PLEKHM3: variants seen among roughly 807,000 people sequenced by gnomAD.
PLEKHM3 encodes the protein pleckstrin homology domain containing M3, also known as pleckstrin homology domain-containing family M member 3.
A neutral mutation model predicts 81.8 loss-of-function variants in PLEKHM3; 45 were observed. That is an observed-to-expected ratio of 0.55 (90% CI 0.43 to 0.71). The LOEUF is 0.71. Among genes scored for constraint, PLEKHM3 ranks in the 30% least tolerant of loss-of-function variants. PLEKHM3 has a pLI of 0.00. For synonymous variants in PLEKHM3, 352 were observed against 356.4 expected (o/e 0.99, Z 0.14); for missense variants, 788 against 924.3 (o/e 0.85, Z 1.91).
intron 3 of PLEKHM3, among the ~76,000 whole-genome samples, chr2:207,965,037 G>A (rs995230261): frequency 2.0e-5 from 3 of 152,154 alleles, no homozygotes; most frequent in Admixed American, 6.5e-5. Flanking sequence ...ACTTAAGTAT[G>A]TTTCTGTCTT....
intron 2 of PLEKHM3, among the ~76,000 whole-genome samples, chr2:207,983,010 G>A (rs1309240439): frequency 1.3e-5 from 2 of 151,686 alleles, no homozygotes; most frequent in Admixed American, 6.6e-5. Flanking sequence ...TCAACAGTAG[G>A]CTATTAATAA....
chr2:207,949,713 G>A (rs936755905), intron 3 of PLEKHM3, among the ~76,000 whole-genome samples: 1 of 152,050 alleles, frequency 6.6e-6, no homozygotes, highest in Non-Finnish European at 1.5e-5. Context: ...GACTTAAAAG[G>A]TGACCATGAT....
At chr2:207,923,896 T>C (rs1559238841) in intron 5 of PLEKHM3, among the ~76,000 whole-genome samples, 1 of 84,994 alleles carries the variant, frequency 1.2e-5, no homozygotes, top group Non-Finnish European at 2.4e-5. Context: ...TATATATATA[T>C]ATATATATAT....
rs1689570609 is a variant in PLEKHM3 at position 207,930,921 on chromosome 2, C to T, written c.1886+5G>A. The T allele has an allele frequency of 1.2e-6, 2 of 1,612,312 alleles. No individual in the cohort carries two copies. The highest frequency in any genetic ancestry group is 2.2e-5 in the South Asian group (2 of 90,992). ...CGGGAGCCGTCTGAGATTTATGACT[C>T]TTACCTGCGGCGGAGATCCTCTGCC... On this transcript the variant is annotated splice_donor_5th_base_variant and intron_variant, in intron 5 of 7. Coordinates refer to ENST00000427836, the MANE Select transcript of PLEKHM3 (RefSeq NM_001080475.3).
chr2:207,899,959 A>G (rs1688363519), intron 6 of PLEKHM3: 1 of 152,172 alleles, frequency 6.6e-6, no homozygotes, highest in African/African-American at 2.4e-5. Context: ...TGGCCAAGTT[A>G]CTGGGTGTTC....
intron 1 of PLEKHM3, among the ~76,000 whole-genome samples, chr2:208,014,337 T>C (rs569513693): frequency 5.3e-5 from 8 of 152,158 alleles, no homozygotes; most frequent in Admixed American, 2.0e-4. Context: ...GCTTATAAGG[T>C]ATGAAGGATA....
At chr2:208,012,308 T>C (rs1025750149) in intron 1 of PLEKHM3, among the ~76,000 whole-genome samples, 2 of 152,154 alleles carry the variant, frequency 1.3e-5, no homozygotes, top group East Asian at 3.8e-4. Context: ...AACTTCTTAA[T>C]AAATACTTGT....
At chr2:208,008,982 T>C (rs919475974) in intron 1 of PLEKHM3, among the ~76,000 whole-genome samples, 2 of 152,254 alleles carry the variant, frequency 1.3e-5, no homozygotes, top group African/African-American at 4.8e-5. Context: ...TTGTAAGACA[T>C]TTCTACCTGG....
intron 2 of PLEKHM3, among the ~76,000 whole-genome samples, chr2:207,986,038 T>C (rs979569663): frequency 4.6e-5 from 7 of 151,974 alleles, no homozygotes; most frequent in African/African-American, 1.7e-4. Flanking sequence ...AATGAAATGT[T>C]TAGGTAACCC....
intron 7 of PLEKHM3, among the ~76,000 whole-genome samples, chr2:207,839,375 T>G (rs1480678431): frequency 1.3e-5 from 2 of 152,178 alleles, no homozygotes; most frequent in Admixed American, 1.3e-4. Flanking sequence ...CTATCTAACT[T>G]TATGAGCAGT....
intron 5 of PLEKHM3, among the ~76,000 whole-genome samples, chr2:207,923,905 A>ATATATATATATTTTTTT (rs1396762429): frequency 3.5e-5 from 1 of 28,346 alleles, no homozygotes; most frequent in Non-Finnish European, 6.4e-5. Context: ...ATATATATAT[A>ATATATATATATTTTTTT]TTTTTTTTTT....
chr2:207,989,611 T>C (rs895111631), intron 2 of PLEKHM3, among the ~76,000 whole-genome samples: 1 of 152,194 alleles, frequency 6.6e-6, no homozygotes, highest in African/African-American at 2.4e-5. Context: ...TCACACATCA[T>C]GACGCCTGGC....
At chr2:207,948,797 C>A (rs925767917) in intron 3 of PLEKHM3, among the ~76,000 whole-genome samples, 22 of 151,996 alleles carry the variant, frequency 1.4e-4, no homozygotes, top group Middle Eastern at 3.2e-3. Context: ...CCCGCCTCGG[C>A]CTCCCAAAGT....
intron 6 of PLEKHM3, among the ~76,000 whole-genome samples, chr2:207,888,020 C>T (rs1424707001): frequency 6.6e-6 from 1 of 152,038 alleles, no homozygotes; most frequent in Admixed American, 6.5e-5. Context: ...CAGTCCCTGT[C>T]CATTCAATGT....
At chr2:207,880,679 C>T (rs1229295531) in intron 6 of PLEKHM3, among the ~76,000 whole-genome samples, 35 of 139,832 alleles carry the variant, frequency 2.5e-4, no homozygotes, top group Non-Finnish European at 4.9e-4. Flanking sequence ...AGGAGAATGG[C>T]GTGAACCCGG....
intron 4 of PLEKHM3, among the ~76,000 whole-genome samples, chr2:207,937,197 A>T (rs574990608): frequency 1.3e-4 from 20 of 152,196 alleles, no homozygotes; most frequent in Non-Finnish European, 2.4e-4. Context: ...AGTGCAAGGC[A>T]TTTAGGGAAA....
At chr2:207,912,345 T>A (rs536082376) in intron 5 of PLEKHM3, among the ~76,000 whole-genome samples, 1 of 152,372 alleles carries the variant, frequency 6.6e-6, no homozygotes, top group South Asian at 2.1e-4. Context: ...TCTCCTTTTA[T>A]ATGAGATTCT....
chr2:208,001,872 T>C lies in PLEKHM3; in HGVS notation c.-233A>G. ...AACAGATGTATAGGGAGACCAAATG[T>C]TCCTTTGAGATTATTCTTCAGTGAG... is the stretch of plus-strand genomic sequence containing the variant. On this transcript the variant is annotated 5_prime_UTR_variant, in exon 2 of 8. Transcript: ENST00000427836. The C allele has an allele frequency of 1.8e-6, 1 of 556,624 alleles. No individual in the cohort carries two copies. Among genetic ancestry groups the C allele is most frequent in the Non-Finnish European group, 3.1e-6 (1 of 326,976 alleles). The allele number at this position is 556,624 out of a possible 1,614,324, so 34.5% of individuals were successfully genotyped here.
chr2:207,984,415 G>A (rs1691645400), intron 2 of PLEKHM3, among the ~76,000 whole-genome samples: 1 of 151,490 alleles, frequency 6.6e-6, no homozygotes, highest in South Asian at 2.1e-4. Context: ...TTTTGAGACG[G>A]AGTCTTGCTC....
Sources: allele counts gnomAD v4.1 joint callset (sites outside exome capture counted in the v4.1 genomes callset), GRCh38; gene constraint gnomAD v4.1.1; transcripts MANE v1.5; gene names NCBI Gene and HGNC (gene_info 2026-07-23, HGNC 2026-07-21).